Variants in COL21A1 observed in about 807,000 individuals in gnomAD.
COL21A1 encodes the protein collagen type XXI alpha 1 chain.
A neutral mutation model predicts 137.9 loss-of-function variants in COL21A1; 149 were observed. The observed-to-expected ratio is 1.08, with a 90% CI of 0.95 to 1.24. The LOEUF (loss-of-function observed/expected upper bound fraction) is 1.24, where lower values mean the gene tolerates loss of function less well. COL21A1 is among the 50% of genes most tolerant of loss of function. The probability of loss-of-function intolerance (pLI) is 0.00; values close to 1 mark genes in which losing one functional copy is unlikely to be tolerated. For synonymous variants in COL21A1, 456 were observed against 391.5 expected, an observed-to-expected ratio of 1.16 and a Z score of -1.95; for missense variants, 1,167 against 1,158.4, an observed-to-expected ratio of 1.01 and a Z score of -0.11.
At chr6:56,294,196 T>C (rs1400034301) in intron 1 of COL21A1, among the ~76,000 whole-genome samples, 1 of 152,090 alleles carries the variant, frequency 6.6e-6, no homozygotes, top group African/African-American at 2.4e-5. Flanking sequence ...AAAGGCAAGA[T>C]TGAATTAAGT....
chr6:56,182,891 C>T (rs973941347), intron 1 of COL21A1, among the ~76,000 whole-genome samples: 3 of 152,190 alleles, frequency 2.0e-5, no homozygotes, highest in Admixed American at 6.5e-5. Flanking sequence ...GAAAAGCATA[C>T]ACATTTTCTA....
At chr6:56,318,923 AAC>A (rs144220844) in intron 1 of COL21A1, among the ~76,000 whole-genome samples, 76,085 of 148,212 alleles carry the variant, frequency 0.51, 19,526 homozygotes, top group East Asian at 0.73. Context: ...CCTCCCCCCA[AAC>A]ACACACACAC....
At chr6:56,101,157 T>C (rs1239916890) in intron 17 of COL21A1, among the ~76,000 whole-genome samples, 1 of 152,090 alleles carries the variant, frequency 6.6e-6, no homozygotes, top group East Asian at 1.9e-4. Flanking sequence ...TATGAAACAA[T>C]AGATGAGTGG....
chr6:56,337,861 A>G (rs762832405), intron 1 of COL21A1, among the ~76,000 whole-genome samples: 9 of 152,158 alleles, frequency 5.9e-5, no homozygotes, highest in Non-Finnish European at 5.9e-5. Flanking sequence ...GATCGATTTT[A>G]AAAACATAGT....
intron 1 of COL21A1, among the ~76,000 whole-genome samples, chr6:56,212,680 G>A (rs2152307160): frequency 6.6e-6 from 1 of 151,982 alleles, no homozygotes; most frequent in African/African-American, 2.4e-5. Flanking sequence ...CAAGGAAAAG[G>A]CACAGAAAAA....
At chr6:56,219,540 A>G (rs1487011879) in intron 1 of COL21A1, among the ~76,000 whole-genome samples, 1 of 152,088 alleles carries the variant, frequency 6.6e-6, no homozygotes, top group Non-Finnish European at 1.5e-5. Flanking sequence ...CCATTTCTTC[A>G]AGCGTCTCGA....
chr6:56,322,159 C>A (rs188270926), intron 1 of COL21A1, among the ~76,000 whole-genome samples: 1 of 152,024 alleles, frequency 6.6e-6, no homozygotes. Flanking sequence ...TGAATCCAGG[C>A]GAAACCATTG....
chr6:56,382,475 C>G (rs768820283), intron 1 of COL21A1, among the ~76,000 whole-genome samples: 4 of 152,156 alleles, frequency 2.6e-5, no homozygotes, highest in Non-Finnish European at 5.9e-5. Flanking sequence ...ATTGTGTCCC[C>G]CTTAGCCCAC....
At chr6:56,104,129 G>T (rs1215695894) in intron 16 of COL21A1, among the ~76,000 whole-genome samples, 1 of 152,130 alleles carries the variant, frequency 6.6e-6, no homozygotes, top group Non-Finnish European at 1.5e-5. Context: ...TTTAAAGGTA[G>T]AAAACATAAT....
chr6:56,330,498 A>G (rs1025466857), intron 1 of COL21A1, among the ~76,000 whole-genome samples: 4 of 152,122 alleles, frequency 2.6e-5, no homozygotes, highest in African/African-American at 7.2e-5. Flanking sequence ...TATAAAGCCA[A>G]ATACAAATGT....
At chr6:56,230,426 G>T (rs1781484750) in intron 1 of COL21A1, among the ~76,000 whole-genome samples, 1 of 151,808 alleles carries the variant, frequency 6.6e-6, no homozygotes, top group Non-Finnish European at 1.5e-5. Context: ...AATAAAAAAA[G>T]TCAAGTTTCC....
chr6:56,312,964 G>A (rs1055458272), intron 1 of COL21A1, among the ~76,000 whole-genome samples: 2 of 152,120 alleles, frequency 1.3e-5, no homozygotes, highest in Admixed American at 6.6e-5. Context: ...TGTCAGTAAG[G>A]AAGTTGAATC....
chr6:56,236,095 G>A (rs1426987279), intron 1 of COL21A1, among the ~76,000 whole-genome samples: 2 of 151,944 alleles, frequency 1.3e-5, no homozygotes, highest in East Asian at 3.9e-4. Context: ...GCAACCAATG[G>A]CCATAGATAT....
chr6:56,217,797 A>G (rs775334800), intron 1 of COL21A1, among the ~76,000 whole-genome samples: 1 of 152,066 alleles, frequency 6.6e-6, no homozygotes, highest in Non-Finnish European at 1.5e-5. Context: ...CCTAGGAACA[A>G]CAAGAAAACT....
At chr6:56,288,158 T>C (rs1763957283) in intron 1 of COL21A1, among the ~76,000 whole-genome samples, 2 of 151,968 alleles carry the variant, frequency 1.3e-5, no homozygotes, top group African/African-American at 4.8e-5. Context: ...CAAACATTCA[T>C]GCAGCAAAAG....
intron 3 of COL21A1, among the ~76,000 whole-genome samples, chr6:56,175,748 A>G (rs938741478): frequency 6.6e-6 from 1 of 152,198 alleles, no homozygotes; most frequent in Non-Finnish European, 1.5e-5. Context: ...TAAAAATCCC[A>G]ATAACGTTTT....
chr6:56,316,071 C>G (rs1764724927), intron 1 of COL21A1, among the ~76,000 whole-genome samples: 1 of 152,096 alleles, frequency 6.6e-6, no homozygotes, highest in Non-Finnish European at 1.5e-5. Context: ...AACCAATTTT[C>G]TCTTTTTAAT....
intron 1 of COL21A1, among the ~76,000 whole-genome samples, chr6:56,259,491 G>A (rs1407808850): frequency 6.6e-6 from 1 of 152,134 alleles, no homozygotes; most frequent in Non-Finnish European, 1.5e-5. Flanking sequence ...CAAATGTTAG[G>A]ATATGTTTTC....
intron 1 of COL21A1, among the ~76,000 whole-genome samples, chr6:56,256,873 G>A (rs764462092): frequency 9.3e-5 from 14 of 151,200 alleles, no homozygotes; most frequent in Non-Finnish European, 1.8e-4. Flanking sequence ...AATGAGCATG[G>A]GCAGGTTCAG....
Sources: allele counts gnomAD v4.1 joint callset (sites outside exome capture counted in the v4.1 genomes callset), GRCh38; gene constraint gnomAD v4.1.1; transcripts MANE v1.5; gene names NCBI Gene and HGNC (gene_info 2026-07-23, HGNC 2026-07-21).